ADGRL2: variants seen among roughly 807,000 people sequenced by gnomAD.
ADGRL2 encodes adhesion G protein-coupled receptor L2, also known as calcium-independent alpha-latrotoxin receptor 2.
In ADGRL2, 44 loss-of-function variants were observed where a neutral mutation model predicts 157.4. The observed-to-expected ratio is 0.28, with a 90% confidence interval of 0.22 to 0.36. The LOEUF (loss-of-function observed/expected upper bound fraction) is 0.36. ADGRL2 is among the 10% of genes least tolerant of loss of function. The probability of loss-of-function intolerance (pLI) is 1.00; values close to 1 mark genes in which losing one functional copy is unlikely to be tolerated. For missense variants in ADGRL2, 1,510 were observed against 1,768.9 expected (o/e 0.85, Z 2.63); for synonymous variants, 585 against 624.7 (o/e 0.94, Z 0.95).
At chr1:81,573,884 T>C (rs1393610678) in intron 2 of ADGRL2, among the ~76,000 whole-genome samples, 1 of 152,148 alleles carries the variant, frequency 6.6e-6, no homozygotes, top group Non-Finnish European at 1.5e-5. Context: ...AGAAGACACA[T>C]AGTCTCAAAG....
chr1:81,912,420 T>C (rs1202314502), intron 3 of ADGRL2, among the ~76,000 whole-genome samples: 1 of 152,164 alleles, frequency 6.6e-6, no homozygotes, highest in African/African-American at 2.4e-5. Context: ...TGTTATACTA[T>C]CCATTCAAAT....
chr1:81,866,070 A>C (rs752278096), intron 2 of ADGRL2, among the ~76,000 whole-genome samples: 1 of 152,208 alleles, frequency 6.6e-6, no homozygotes, highest in African/African-American at 2.4e-5. Context: ...TTCCTTTCTC[A>C]AGTCCATGGT....
intron 3 of ADGRL2, among the ~76,000 whole-genome samples, chr1:81,650,863 CT>C: frequency 6.6e-6 from 1 of 152,134 alleles, no homozygotes; most frequent in South Asian, 2.1e-4. Flanking sequence ...TAAAATTGGC[CT>C]TGTGGAGAGT....
chr1:81,332,736 C>A (rs969608231), intron 1 of ADGRL2, among the ~76,000 whole-genome samples: 7 of 152,238 alleles, frequency 4.6e-5, no homozygotes, highest in East Asian at 1.9e-4. Flanking sequence ...AACATATGTG[C>A]CTTTCACCTT....
chr1:81,913,672 G>A (rs2094786168), intron 3 of ADGRL2, among the ~76,000 whole-genome samples: 2 of 151,908 alleles, frequency 1.3e-5, no homozygotes, highest in South Asian at 4.2e-4. Flanking sequence ...CATTATAATT[G>A]GTACACTTAG....
In ADGRL2 at chr1:81,966,082, C is replaced by A. The variant is rs1020642762; in HGVS notation, c.2042C>A (p.Thr681Lys). 6.2e-7 allele frequency: 1 copy of A among 1,614,022 alleles called. No individual in the cohort carries two copies. The highest frequency in any genetic ancestry group is 8.5e-7 in the Non-Finnish European group (1 of 1,179,954). The change falls in exon 12 of 24, where the codon ACA becomes AAA. Residue 681 changes from threonine to lysine, a missense_variant. Transcript: ENST00000686636. ...GTCCTGGAAGTTGCCGTACTCAGTACAGAAGGACAGATCCAAGACTTTAAA... is the reference window on the plus strand; with the variant it reads ...GTCCTGGAAGTTGCCGTACTCAGTAAAGAAGGACAGATCCAAGACTTTAAA... ...NIVLEVAVLS[T>K]EGQIQDFKFP...
At chr1:81,544,900 C>T (rs371300704) in intron 2 of ADGRL2, among the ~76,000 whole-genome samples, 4 of 152,120 alleles carry the variant, frequency 2.6e-5, no homozygotes, top group Admixed American at 1.3e-4. Context: ...CTTGATTTCC[C>T]GCTATGTGAT....
At chr1:81,546,381 G>T (rs1051997832) in intron 2 of ADGRL2, among the ~76,000 whole-genome samples, 6 of 152,240 alleles carry the variant, frequency 3.9e-5, no homozygotes, top group African/African-American at 1.4e-4. Context: ...TTGGGTAAAG[G>T]TTTCTCAATT....
At position 81,943,297 on chromosome 1, in the gene ADGRL2, G is replaced by A. The variant is rs200603368; in HGVS notation, c.738G>A (p.Glu246=). The A allele has an allele frequency of 5.6e-6, 9 of 1,613,450 alleles. No individual in the cohort carries two copies. The East Asian group carries it at 1.8e-4, about 32-fold the overall frequency. ...FDLRTRIKSG[E]AIINYANYHD... ...TGAGGACTAGAATTAAGAGTGGCGA[G>A]GCCATAATTAACTATGCCAACTACC... is the stretch of plus-strand genomic sequence containing the variant. The change falls in exon 6 of 24, where the codon GAG becomes GAA. Residue 246 remains glutamate, a synonymous_variant. Coordinates refer to ENST00000686636, the MANE Select transcript of ADGRL2 (RefSeq NM_001366006.2). This position sits in a 1 kb window ranked among gnomAD's most constrained non-coding sequence, Gnocchi z 5.6.
chr1:81,494,272 T>G (rs753258756), intron 2 of ADGRL2, among the ~76,000 whole-genome samples: 13 of 152,134 alleles, frequency 8.5e-5, no homozygotes, highest in African/African-American at 2.9e-4. Context: ...CCATGTAAAC[T>G]GAAACAAGAT....
At chr1:81,583,764 C>A (rs187299455) in intron 3 of ADGRL2, among the ~76,000 whole-genome samples, 7 of 152,270 alleles carry the variant, frequency 4.6e-5, no homozygotes, top group Admixed American at 4.6e-4. Flanking sequence ...GCTTATAACT[C>A]TTACCCTATT....
At chr1:81,661,830 TG>T (rs1367602707) in intron 3 of ADGRL2, among the ~76,000 whole-genome samples, 3 of 152,168 alleles carry the variant, frequency 2.0e-5, no homozygotes, top group African/African-American at 7.2e-5. Flanking sequence ...TCTGGGTGAA[TG>T]TATTGAAAAC....
At chr1:81,425,240 C>T (rs1465532205) in intron 1 of ADGRL2, among the ~76,000 whole-genome samples, 1 of 152,094 alleles carries the variant, frequency 6.6e-6, no homozygotes, top group Non-Finnish European at 1.5e-5. Context: ...CACATATATA[C>T]ACACAACACA....
At chr1:81,931,070 C>T (rs1337366811) in intron 3 of ADGRL2, among the ~76,000 whole-genome samples, 1 of 152,088 alleles carries the variant, frequency 6.6e-6, no homozygotes, top group Non-Finnish European at 1.5e-5. Context: ...AATTGCTTGA[C>T]CCCGGGAGGC....
chr1:81,517,384 G>T (rs2079202668), intron 2 of ADGRL2, among the ~76,000 whole-genome samples: 1 of 143,546 alleles, frequency 7.0e-6, no homozygotes, highest in South Asian at 2.2e-4. Context: ...TGAGGTGCTT[G>T]AACCTGGGAG....
intron 1 of ADGRL2, among the ~76,000 whole-genome samples, chr1:81,747,586 G>C (rs1360111751): frequency 6.6e-6 from 1 of 152,028 alleles, no homozygotes; most frequent in Non-Finnish European, 1.5e-5. Context: ...ACAGGTGTGA[G>C]CCACCATGCC....
In ADGRL2 at chr1:81,329,999, A is replaced by C. The variant is rs536286557; in HGVS notation, c.-302+23490A>C. On this transcript the variant is annotated intron_variant, in intron 1 of 24. Coordinates refer to the ADGRL2 transcript ENST00000370721. The stretch of plus-strand genomic sequence containing the variant: ...AGATTTTAATTTGAGTAAAGGTGAA[A>C]TAGAAAGAAAACTGTTATTTTGATT... Among the ~76,000 whole-genome samples, 2 of 152,298 alleles carry C rather than the reference A, an allele frequency of 1.3e-5. 1 individual carries two copies. Among genetic ancestry groups the C allele is most frequent in the South Asian group, 4.1e-4 (2 of 4,828 alleles).
At chr1:81,934,117 C>A (rs139744534) in intron 3 of ADGRL2, among the ~76,000 whole-genome samples, 2 of 152,054 alleles carry the variant, frequency 1.3e-5, no homozygotes, top group South Asian at 4.1e-4. Context: ...AGAATTAATA[C>A]GTTTTGCTGT....
intron 1 of ADGRL2, among the ~76,000 whole-genome samples, chr1:81,325,309 T>A (rs1049441666): frequency 1.1e-4 from 16 of 152,060 alleles, no homozygotes; most frequent in African/African-American, 3.9e-4. Flanking sequence ...TCTGGCAGAG[T>A]CAGAAGTCTA....
Sources: allele counts gnomAD v4.1 joint callset (sites outside exome capture counted in the v4.1 genomes callset), GRCh38; gene constraint gnomAD v4.1.1; non-coding constraint Gnocchi (gnomAD v3.1); transcripts MANE v1.5; gene names NCBI Gene and HGNC (gene_info 2026-07-23, HGNC 2026-07-21).